NALF1: variants seen among roughly 807,000 people sequenced by gnomAD.
NALF1 encodes the protein family with sequence similarity 155 member A.
NALF1 carries 3 observed loss-of-function variants against 48.4 expected under a neutral mutation model. The ratio of observed to expected loss-of-function variants is 0.06; its 90% CI spans 0.03 to 0.16. The LOEUF (loss-of-function observed/expected upper bound fraction) is 0.16. Among genes scored for constraint, NALF1 ranks in the 10% least tolerant of loss-of-function variants. NALF1 has a pLI of 1.00. For synonymous variants in NALF1, 262 were observed against 245.7 expected, an observed-to-expected ratio of 1.07 and a Z score of -0.62; for missense variants, 526 against 571.5, an observed-to-expected ratio of 0.92 and a Z score of 0.81.
At chr13:107,228,638 G>A (rs1016890498) in intron 1 of NALF1, among the ~76,000 whole-genome samples, 1 of 151,818 alleles carries the variant, frequency 6.6e-6, no homozygotes, top group African/African-American at 2.4e-5. Context: ...CTTTTTTTTG[G>A]AGACAGAGTC....
chr13:107,538,549 T>G (rs1876908268), intron 1 of NALF1, among the ~76,000 whole-genome samples: 1 of 152,124 alleles, frequency 6.6e-6, no homozygotes, highest in South Asian at 2.1e-4. Flanking sequence ...TAAATTCTGT[T>G]TGTCATTGGA....
At chr13:107,354,118 G>C (rs1412847509) in intron 1 of NALF1, among the ~76,000 whole-genome samples, 1 of 152,124 alleles carries the variant, frequency 6.6e-6, no homozygotes, top group Non-Finnish European at 1.5e-5. Context: ...TAAAAGAAGT[G>C]CTTCAAATTA....
chr13:107,257,927 A>G (rs1303462870), intron 1 of NALF1, among the ~76,000 whole-genome samples: 1 of 152,244 alleles, frequency 6.6e-6, no homozygotes, highest in Non-Finnish European at 1.5e-5. Flanking sequence ...AGAAGTATTT[A>G]GCAAGTTGCA....
intron 1 of NALF1, among the ~76,000 whole-genome samples, chr13:107,685,702 G>A (rs187552126): frequency 3.3e-5 from 5 of 152,302 alleles, no homozygotes; most frequent in South Asian, 2.1e-4. Flanking sequence ...TGAATGGATC[G>A]ATGGATCTCT....
intron 2 of NALF1, among the ~76,000 whole-genome samples, chr13:107,173,276 A>G (rs1455487688): frequency 2.0e-5 from 3 of 152,120 alleles, no homozygotes; most frequent in African/African-American, 7.2e-5. Context: ...CCTCCAGCAA[A>G]CATGCTTCCC....
intron 1 of NALF1, among the ~76,000 whole-genome samples, chr13:107,595,416 T>A (rs1344300956): frequency 1.3e-5 from 2 of 152,122 alleles, no homozygotes; most frequent in East Asian, 1.9e-4. Context: ...TCTCATATGT[T>A]CTACTGATGG....
intron 1 of NALF1, among the ~76,000 whole-genome samples, chr13:107,433,775 G>A (rs913990343): frequency 2.6e-5 from 4 of 152,066 alleles, no homozygotes; most frequent in Non-Finnish European, 4.4e-5. Flanking sequence ...TTTCCCTAGA[G>A]ATCATTTTTC....
intron 1 of NALF1, among the ~76,000 whole-genome samples, chr13:107,271,805 T>C (rs1385160305): frequency 1.1e-5 from 1 of 93,724 alleles, no homozygotes; most frequent in African/African-American, 3.6e-5. Context: ...TATATATATA[T>C]ATATATATAT....
At chr13:107,791,703 C>G (rs964875432) in intron 1 of NALF1, among the ~76,000 whole-genome samples, 16 of 152,110 alleles carry the variant, frequency 1.1e-4, no homozygotes, top group African/African-American at 3.4e-4. Context: ...CACAGACTCA[C>G]ACTTTGGGAG....
chr13:107,196,645 A>G (rs1301839635), intron 2 of NALF1, among the ~76,000 whole-genome samples: 1 of 152,176 alleles, frequency 6.6e-6, no homozygotes, highest in Non-Finnish European at 1.5e-5. Context: ...AAAAACCAAA[A>G]AAGTTCAAAT....
chr13:107,204,384 G>C (rs1879591621), intron 2 of NALF1, among the ~76,000 whole-genome samples: 1 of 152,220 alleles, frequency 6.6e-6, no homozygotes, highest in Non-Finnish European at 1.5e-5. Flanking sequence ...TCTGGCACTG[G>C]GCTCAGTACT....
chr13:107,457,655 T>C (rs1264158858), intron 1 of NALF1, among the ~76,000 whole-genome samples: 4 of 151,256 alleles, frequency 2.6e-5, no homozygotes, highest in South Asian at 2.1e-4. Context: ...CTGCTATTTA[T>C]TGATGAAGGC....
intron 1 of NALF1, among the ~76,000 whole-genome samples, chr13:107,601,801 T>C (rs1878937421): frequency 6.6e-6 from 1 of 152,024 alleles, no homozygotes; most frequent in African/African-American, 2.4e-5. Context: ...AAATAGAGTA[T>C]GTTTCTTCAT....
intron 1 of NALF1, among the ~76,000 whole-genome samples, chr13:107,471,114 G>A (rs1241126130): frequency 6.6e-6 from 1 of 152,162 alleles, no homozygotes; most frequent in African/African-American, 2.4e-5. Flanking sequence ...TCCTACTGGA[G>A]AGGCTGAAAG....
chr13:107,325,849 CACACACATAT>C (rs1555332546), intron 1 of NALF1, among the ~76,000 whole-genome samples: 2,137 of 52,586 alleles, frequency 0.041, 50 homozygotes, highest in East Asian at 0.17. Flanking sequence ...TCAACACACA[CACACACATAT>C]ATATATATAT....
chr13:107,632,909 GAAA>G (rs57758796), intron 1 of NALF1, among the ~76,000 whole-genome samples: 14 of 139,154 alleles, frequency 1.0e-4, no homozygotes, highest in African/African-American at 3.4e-4. Flanking sequence ...CAAGCCTCAT[GAAA>G]AAAAAAAAAA....
intron 1 of NALF1, among the ~76,000 whole-genome samples, chr13:107,354,009 C>A (rs751423130): frequency 9.9e-5 from 15 of 152,248 alleles, no homozygotes; most frequent in Non-Finnish European, 1.8e-4. Flanking sequence ...ATGAGACAGC[C>A]AAGGTTCTGA....
chr13:107,633,002 C>G (rs1879874236), intron 1 of NALF1, among the ~76,000 whole-genome samples: 2 of 151,356 alleles, frequency 1.3e-5, no homozygotes, highest in South Asian at 4.2e-4. Context: ...GATTAGCATG[C>G]AAAGTAAGAC....
chr13:107,501,452 AACTAAGCTGCTGGAGCAG>A (rs1342717619), intron 1 of NALF1, among the ~76,000 whole-genome samples: 1 of 152,220 alleles, frequency 6.6e-6, no homozygotes, highest in Non-Finnish European at 1.5e-5. Context: ...GTCTGCTAAG[AACTAAGCTGCTGGAGCAG>A]CAAATATTTT....
Sources: allele counts gnomAD v4.1 joint callset (sites outside exome capture counted in the v4.1 genomes callset), GRCh38; gene constraint gnomAD v4.1.1; transcripts MANE v1.5; gene names NCBI Gene and HGNC (gene_info 2026-07-23, HGNC 2026-07-21).